The following WDR33 variants were observed in gnomAD, a reference collection of about 807,000 sequenced individuals.
WDR33 encodes pre-mRNA 3' end processing protein WDR33.
In WDR33, 47 loss-of-function variants were observed where a neutral mutation model predicts 164.9. The ratio of observed to expected loss-of-function variants is 0.29; its 90% CI spans 0.23 to 0.36. WDR33 has a LOEUF of 0.36. Among genes scored for constraint, WDR33 ranks in the 10% least tolerant of loss-of-function variants. WDR33 has a pLI of 1.00. For missense variants in WDR33, 1,137 were observed against 1,754.1 expected, an observed-to-expected ratio of 0.65 and a Z score of 6.28; for synonymous variants, 505 against 589.0, an observed-to-expected ratio of 0.86 and a Z score of 2.06.
At chr2:127,745,271 C>T (rs915656234) in intron 7 of WDR33, among the ~76,000 whole-genome samples, 2 of 152,180 alleles carry the variant, frequency 1.3e-5, no homozygotes, top group Admixed American at 1.3e-4. Flanking sequence ...TGCTATCGAT[C>T]CTTCCCAGAG....
chr2:127,736,050 T>C, intron 7 of WDR33: 1 of 985,414 alleles, frequency 1.0e-6, no homozygotes, highest in Admixed American at 6.1e-5. Context: ...GTCAGGTAAG[T>C]TGAGCAATGC....
chr2:127,802,098 T>C (rs1251239347), intron 1 of WDR33, among the ~76,000 whole-genome samples: 1 of 150,670 alleles, frequency 6.6e-6, no homozygotes, highest in African/African-American at 2.4e-5. Flanking sequence ...GGAGAATCAC[T>C]TGAACCCAGG....
Position 127,764,166 on chromosome 2 carries a change from C to A in WDR33, c.626+662G>T. On this transcript the variant is annotated intron_variant, in intron 6 of 21. Coordinates refer to ENST00000322313, the MANE Select transcript of WDR33 (RefSeq NM_018383.5). This position sits in a 1 kb window ranked among gnomAD's most constrained non-coding sequence, Gnocchi z 6.2. ...CTGATGTGTAAAAATATACAACTCA[C>A]TGAAAATATTTTAAACTCCACTTAT... 16 of 1,014,446 alleles carry A rather than the reference C, an allele frequency of 1.6e-5. No individual in the cohort carries two copies. Among genetic ancestry groups the A allele is most frequent in the Non-Finnish European group, 1.9e-5 (16 of 849,288 alleles). 62.8% of individuals were successfully genotyped at this position (1,014,446 alleles called of 1,614,324 possible). A position where few individuals can be genotyped will look rare whatever the true frequency, so the allele number is the denominator to read the frequency against.
At chr2:127,772,687 C>T (rs1230554874) in intron 1 of WDR33, among the ~76,000 whole-genome samples, 1 of 152,038 alleles carries the variant, frequency 6.6e-6, no homozygotes, top group African/African-American at 2.4e-5. Flanking sequence ...GTGTTATTTA[C>T]ATATTTACAA....
In WDR33 at chr2:127,717,024, G is replaced by T; in HGVS notation, c.2869+131C>A. 5.6e-6 allele frequency: 5 copies of T among 892,890 alleles called. No homozygotes were observed. The highest frequency in any genetic ancestry group is 4.6e-5 in the South Asian group (3 of 65,918). The allele number at this position is 892,890 out of a possible 1,614,324, so 55.3% of individuals were successfully genotyped here. A position where few individuals can be genotyped will look rare whatever the true frequency, so the allele number is the denominator to read the frequency against. ...CCAAAGACAAAGCTCCTACCTGAAT[G>T]ACCACACCCTTATTTTGCCCAGAGG... On this transcript the variant is annotated intron_variant, in intron 17 of 21. Transcript: ENST00000322313. The surrounding 1 kb of genome is among the most constrained non-coding windows in gnomAD (Gnocchi z 5.6).
At position 127,709,442 on chromosome 2, in the gene WDR33, T is replaced by A. The variant is rs1686099078; in HGVS notation, c.3565+48A>T. 3 of 1,584,570 alleles carry A rather than the reference T, an allele frequency of 1.9e-6. No homozygotes were observed. In the South Asian group the frequency reaches 3.3e-5, roughly 18 times the overall value. ...CCAGAGAGGGCCCTCAGAACTCACT[T>A]TGTGAACTGCAGTCTAGAGTTACCC... On this transcript the variant is annotated intron_variant, in intron 20 of 21. Coordinates refer to ENST00000322313, the MANE Select transcript of WDR33 (RefSeq NM_018383.5). This position sits in a 1 kb window ranked among gnomAD's most constrained non-coding sequence, Gnocchi z 5.0.
chr2:127,751,173 C>T (rs1443357377), intron 7 of WDR33, among the ~76,000 whole-genome samples: 1 of 151,792 alleles, frequency 6.6e-6, no homozygotes, highest in African/African-American at 2.4e-5. Context: ...CCAGCCTAGG[C>T]AACATGGTGA....
At chr2:127,753,863 A>G (rs555206708) in intron 7 of WDR33, among the ~76,000 whole-genome samples, 1 of 152,334 alleles carries the variant, frequency 6.6e-6, no homozygotes, top group South Asian at 2.1e-4. Context: ...AATGTAAAGA[A>G]CAGTAAAGAA....
At chr2:127,730,288 A>C (rs138558566) in intron 7 of WDR33, among the ~76,000 whole-genome samples, 138 of 152,348 alleles carry the variant, frequency 9.1e-4, no homozygotes, top group African/African-American at 3.1e-3. Context: ...TTAAGCTGGA[A>C]TAGAAGAAAA....
At position 127,720,328 on chromosome 2, in the gene WDR33, T is replaced by C; in HGVS notation, c.1697A>G (p.Gln566Arg). The change falls in exon 16 of 22, where the codon CAG becomes CGG. Residue 566 changes from glutamine to arginine, a missense_variant. Around this residue, in one of 9 missense-constraint regions of WDR33, gnomAD observed 867 missense variants for 1,073.0 expected, o/e 0.81. Coordinates refer to ENST00000322313, the MANE Select transcript of WDR33 (RefSeq NM_018383.5). This position sits in a 1 kb window ranked among gnomAD's most constrained non-coding sequence, Gnocchi z 5.9. ...AGGCTGAATTTGCTCAACTTGTTTCTGTGCAAGTCTTTCAATTTTAAGTTG... is the reference window on the plus strand; with the variant it reads ...AGGCTGAATTTGCTCAACTTGTTTCCGTGCAAGTCTTTCAATTTTAAGTTG... Reference protein sequence around the residue: ...LEQLKIERLAQKQVEQIQPPP... With the variant: ...LEQLKIERLARKQVEQIQPPP... The C allele has an allele frequency of 4.6e-6, 7 of 1,505,798 alleles. No individual in the cohort carries two copies. Among genetic ancestry groups the C allele is most frequent in the Middle Eastern group, 1.8e-4 (1 of 5,560 alleles). 93.3% of individuals were successfully genotyped at this position (1,505,798 alleles called of 1,614,324 possible).
At chr2:127,737,139 G>A (rs1686868201) in intron 7 of WDR33, 1 of 985,152 alleles carries the variant, frequency 1.0e-6, no homozygotes, top group African/African-American at 1.7e-5. Context: ...TTTTTTTAAA[G>A]GCTACTTTGC....
intron 7 of WDR33, among the ~76,000 whole-genome samples, chr2:127,731,312 A>C (rs1441647872): frequency 1.3e-5 from 2 of 151,630 alleles, no homozygotes; most frequent in African/African-American, 4.8e-5. Flanking sequence ...AAAAAAAAAA[A>C]AAAAAACACA....
At chr2:127,747,955 TA>T (rs1687214206) in intron 7 of WDR33, among the ~76,000 whole-genome samples, 1 of 152,184 alleles carries the variant, frequency 6.6e-6, no homozygotes, top group South Asian at 2.1e-4. Flanking sequence ...TGAACGTCAA[TA>T]TCAAAAGTAG....
At chr2:127,737,116 T>A (rs1686867351) in intron 7 of WDR33, 5 of 985,436 alleles carry the variant, frequency 5.1e-6, no homozygotes, top group Non-Finnish European at 6.0e-6. Context: ...GTGGACTTTT[T>A]AAAAAATTTA....
At position 127,705,981 on chromosome 2, in the gene WDR33, CTG is replaced by C. The variant is rs1470288692; in HGVS notation, c.*340_*341del. 3 of 265,238 alleles carry C rather than the reference CTG, an allele frequency of 1.1e-5. No individual in the cohort carries two copies. Among genetic ancestry groups the C allele is most frequent in the African/African-American group, 6.6e-5 (3 of 45,636 alleles). The allele number at this position is 265,238 out of a possible 1,614,324, so 16.4% of individuals were successfully genotyped here. The stretch of plus-strand genomic sequence containing the variant: ...AAAAACTTTGTTTTTCTCTGACAAA[CTG>C]TACACATAGAAACAAATTTCCAAAT... On this transcript the variant is annotated 3_prime_UTR_variant, in exon 22 of 22. Transcript: ENST00000322313. This position sits in a 1 kb window ranked among gnomAD's most constrained non-coding sequence, Gnocchi z 4.5.
In WDR33 at chr2:127,710,525, G is replaced by GATCT. The variant is rs1686134047; in HGVS notation, c.3309-670_3309-669insAGAT. ...CTGATGGGCACACAGGTCAGCATCT[G>GATCT]GTTTACAGGCAGCGATCCACTGGCT... On this transcript the variant is annotated intron_variant, in intron 18 of 21. Coordinates refer to ENST00000322313, the MANE Select transcript of WDR33 (RefSeq NM_018383.5). The surrounding 1 kb of genome is among the most constrained non-coding windows in gnomAD (Gnocchi z 4.4). Among the ~76,000 whole-genome samples, 1 of 152,168 alleles carries GATCT rather than the reference G, an allele frequency of 6.6e-6. No homozygotes were observed. The highest frequency in any genetic ancestry group is 1.5e-5 in the Non-Finnish European group (1 of 68,024).
intron 18 of WDR33, among the ~76,000 whole-genome samples, chr2:127,711,765 TATATATATA>T (rs1686173681): frequency 2.2e-5 from 2 of 88,936 alleles, no homozygotes; most frequent in African/African-American, 1.5e-4. Flanking sequence ...TATATATATA[TATATATATA>T]TATATATTTT....
chr2:127,709,456 C>A lies in WDR33; in HGVS notation c.3565+34G>T. On this transcript the variant is annotated intron_variant, in intron 20 of 21. Transcript: ENST00000322313. This position sits in a 1 kb window ranked among gnomAD's most constrained non-coding sequence, Gnocchi z 5.0. ...CAGAACTCACTTTGTGAACTGCAGT[C>A]TAGAGTTACCCAACAAGCGGTTCTT... 1 of 1,607,298 alleles carries A rather than the reference C, an allele frequency of 6.2e-7. No homozygotes were observed. Among genetic ancestry groups the A allele is most frequent in the Admixed American group, 1.7e-5 (1 of 59,976 alleles).
chr2:127,764,450 T>C lies in WDR33; in HGVS notation c.626+378A>G. The C allele has an allele frequency of 6.9e-7, 1 of 1,455,144 alleles. No individual in the cohort carries two copies. The highest frequency in any genetic ancestry group is 1.6e-5 in the South Asian group (1 of 64,186). The allele number at this position is 1,455,144 out of a possible 1,614,324, so 90.1% of individuals were successfully genotyped here. A position where few individuals can be genotyped will look rare whatever the true frequency, so the allele number is the denominator to read the frequency against. ...ATTCTGAAGTTGTTTTCTGTAGGCT[T>C]TAGATTTTATTCAGTTGCATAATTA... On this transcript the variant is annotated intron_variant, in intron 6 of 21. Transcript: ENST00000322313. The surrounding 1 kb of genome is among the most constrained non-coding windows in gnomAD (Gnocchi z 6.2).
Sources: gnomAD v4.1 joint callset for allele counts (sites outside exome capture counted in the v4.1 genomes callset) on GRCh38, gnomAD v4.1.1 for gene constraint, gnomAD v4.1.1 regional missense constraint, Gnocchi (gnomAD v3.1) non-coding constraint, MANE v1.5 for transcripts, NCBI Gene and HGNC (gene_info 2026-07-23, HGNC 2026-07-21) for gene names.